DPP9: variants seen among roughly 807,000 people sequenced by gnomAD.
DPP9 encodes dipeptidyl peptidase 9, also known as dipeptidyl peptidase IV-related protein-2.
In DPP9, 50 loss-of-function variants were observed where a neutral mutation model predicts 110.7. The observed-to-expected ratio is 0.45, with a 90% confidence interval of 0.36 to 0.57. The LOEUF (loss-of-function observed/expected upper bound fraction) is 0.57, where lower values mean the gene tolerates loss of function less well. Among genes scored for constraint, DPP9 ranks in the 20% least tolerant of loss-of-function variants. The pLI, the probability that DPP9 is intolerant of heterozygous loss-of-function variation, is 0.00. For synonymous variants in DPP9, 561 were observed against 514.4 expected, an observed-to-expected ratio of 1.09 and a Z score of -1.23; for missense variants, 1,022 against 1,217.9, an observed-to-expected ratio of 0.84 and a Z score of 2.39.
intron 3 of DPP9, chr19:4,719,493 G>C: frequency 1.3e-5 from 4 of 312,516 alleles, no homozygotes; most frequent in Non-Finnish European, 2.5e-5. Flanking sequence ...TCTTACCCAG[G>C]AGTGATTCTG....
intron 1 of DPP9, among the ~76,000 whole-genome samples, chr19:4,723,028 G>A (rs1347830409): frequency 6.6e-6 from 1 of 152,172 alleles, no homozygotes; most frequent in African/African-American, 2.4e-5. Context: ...CTGAGAGAAG[G>A]GGGCTGAACC....
intron 16 of DPP9, chr19:4,688,332 C>A: frequency 5.9e-6 from 1 of 168,906 alleles, no homozygotes; most frequent in Non-Finnish European, 1.3e-5. Flanking sequence ...TGGTCTCAAA[C>A]TCCTACGTGC....
At chr19:4,705,691 CA>C (rs2092546726) in intron 5 of DPP9, among the ~76,000 whole-genome samples, 166 bp downstream of exon 5, 2 of 152,164 alleles carry the variant, frequency 1.3e-5, no homozygotes. Context: ...TACAGGTGGT[CA>C]GGGGGAGGAG....
intron 3 of DPP9, 71 bp from the exon 4 acceptor site, chr19:4,714,408 T>C: frequency 7.0e-7 from 1 of 1,434,076 alleles, no homozygotes; most frequent in Non-Finnish European, 9.1e-7. Flanking sequence ...ATGCTGCCCC[T>C]TGCGAGGCAC....
At position 4,687,584 on chromosome 19, in the gene DPP9, A is replaced by C. The variant is rs1304553971; in HGVS notation, c.1885+1173T>G. Among the ~76,000 whole-genome samples the C allele has an allele frequency of 2.0e-5, 3 of 152,112 alleles. No homozygotes were observed. In the East Asian group the frequency reaches 5.8e-4, roughly 29 times the overall value. On this transcript the variant is annotated intron_variant, in intron 16 of 21. Transcript: ENST00000262960. The surrounding 1 kb of genome is among the most constrained non-coding windows in gnomAD (Gnocchi z 4.7). The stretch of plus-strand genomic sequence containing the variant: ...GACTGACCCTTTGCTCCTTTTCCTG[A>C]TAAAGGCCTCGGAGTGTCGGCTCTG...
At chr19:4,680,235 CAA>C (rs71168922) in intron 20 of DPP9, among the ~76,000 whole-genome samples, 2,053 of 70,792 alleles carry the variant, frequency 0.029, 54 homozygotes, top group African/African-American at 0.096. Context: ...GACAGCATCT[CAA>C]AAAAAAAAAA....
rs370415970 is a variant in DPP9, at chr19:4,704,494, C to G, written c.427-190G>C. On this transcript the variant is annotated intron_variant, in intron 5 of 21. Transcript: ENST00000262960. The surrounding 1 kb of genome is among the most constrained non-coding windows in gnomAD (Gnocchi z 6.0). ...ACAGTGGGTGGCCAAAGATTGCCAG[C>G]GAACCTGGCCCTGCAGGACTGGCTG... 2.0e-5 allele frequency among the ~76,000 whole-genome samples: 3 copies of G among 152,180 alleles called. No homozygotes were observed. The highest frequency in any genetic ancestry group is 7.2e-5 in the African/African-American group (3 of 41,450).
rs759778625 is a variant in DPP9 at position 4,689,582 on chromosome 19, G to A, written c.1737C>T (p.Cys579=). 4.2e-5 allele frequency: 65 copies of A among 1,564,656 alleles called. No homozygotes were observed. In the Admixed American group the frequency reaches 6.0e-4, roughly 14 times the overall value. The part of the protein sequence containing the change: ...RLTTPGFSHS[C]SMSQNFDMFV... ...TGGGCGGTCCCACCTGGCTCATGGA[G>A]CAGCTATGGGAGAAGCCGGGCGTGG... Residue 579 remains cysteine (C), a synonymous_variant, in exon 15 of 22, where the codon TGC becomes TGT. Coordinates refer to ENST00000262960, the MANE Select transcript of DPP9 (RefSeq NM_139159.5). The surrounding 1 kb of genome is among the most constrained non-coding windows in gnomAD (Gnocchi z 7.0).
chr19:4,714,777 CCA>C (rs1355535230), intron 3 of DPP9, among the ~76,000 whole-genome samples: 5 of 151,990 alleles, frequency 3.3e-5, no homozygotes, highest in Non-Finnish European at 7.4e-5. Context: ...TCCTGGTTTT[CCA>C]CAGTCCCCGG....
At chr19:4,688,283 A>G (rs1312424585) in intron 16 of DPP9, 1 of 154,330 alleles carries the variant, frequency 6.5e-6, no homozygotes, top group African/African-American at 2.4e-5. Flanking sequence ...CTAATTTTTA[A>G]CATTTTTGTA....
intron 10 of DPP9, among the ~76,000 whole-genome samples, chr19:4,699,564 C>T (rs115429929): frequency 0.017 from 2,572 of 152,162 alleles, 73 homozygotes; most frequent in African/African-American, 0.059. Context: ...GAGGGAGATG[C>T]GGTCACAGGT....
chr19:4,685,009 G>T lies in DPP9; in HGVS notation c.2032-200C>A, dbSNP rs1349420085. 1 of 714,678 alleles carries T rather than the reference G, an allele frequency of 1.4e-6. No individual in the cohort carries two copies. Among genetic ancestry groups the T allele is most frequent in the Admixed American group, 2.0e-5 (1 of 49,588 alleles). The allele number at this position is 714,678 out of a possible 1,614,324, so 44.3% of individuals were successfully genotyped here. ...CCATACTCGGGACCCTGCTAGGGAG[G>T]GGGAAGGGCCACTGTCAGGCTCTTT... On this transcript the variant is annotated intron_variant, in intron 17 of 21. Transcript: ENST00000262960. The surrounding 1 kb of genome is among the most constrained non-coding windows in gnomAD (Gnocchi z 5.8).
In DPP9 at chr19:4,705,985, G is replaced by T; in HGVS notation, c.314-15C>A. ...ATATGGCATTCCTAAAGGGAGAAAGGAAACACCCAGAACGGGTACCCTGGC... is the reference window on the plus strand; with the variant it reads ...ATATGGCATTCCTAAAGGGAGAAAGTAAACACCCAGAACGGGTACCCTGGC... On this transcript the variant is annotated splice_polypyrimidine_tract_variant and intron_variant, in intron 4 of 21. Transcript: ENST00000262960. 1 of 1,609,764 alleles carries T rather than the reference G, an allele frequency of 6.2e-7. No individual in the cohort carries two copies. The highest frequency in any genetic ancestry group is 8.5e-7 in the Non-Finnish European group (1 of 1,176,804).
In DPP9 at chr19:4,693,727, G is replaced by A. The variant is rs2091533691; in HGVS notation, c.1516+934C>T. On this transcript the variant is annotated intron_variant, in intron 13 of 21. Transcript: ENST00000262960. This position sits in a 1 kb window ranked among gnomAD's most constrained non-coding sequence, Gnocchi z 5.0. Reference sequence around the variant, plus strand: ...GAGGAGTCATCTGAAACTGAGGTGAGGGTGACGACTTCCTATTTCTCTCGG... The same window carrying A: ...GAGGAGTCATCTGAAACTGAGGTGAAGGTGACGACTTCCTATTTCTCTCGG... Among the ~76,000 whole-genome samples, 1 of 152,020 alleles carries A rather than the reference G, an allele frequency of 6.6e-6. No individual in the cohort carries two copies. Among genetic ancestry groups the A allele is most frequent in the Non-Finnish European group, 1.5e-5 (1 of 67,948 alleles).
rs531949682 is a variant in DPP9 at position 4,710,388 on chromosome 19, G to C, written c.313+3693C>G. 6.6e-6 allele frequency among the ~76,000 whole-genome samples: 1 copy of C among 152,350 alleles called. No homozygotes were observed. The highest frequency in any genetic ancestry group is 2.4e-5 in the African/African-American group (1 of 41,590). ...CCACAGAAGTCACCGTTTGCAGTGGGGAGAGGCTGATCCGCGTGGGGCGGG... is the reference window on the plus strand; with the variant it reads ...CCACAGAAGTCACCGTTTGCAGTGGCGAGAGGCTGATCCGCGTGGGGCGGG... On this transcript the variant is annotated intron_variant, in intron 4 of 21. Transcript: ENST00000262960. The surrounding 1 kb of genome is among the most constrained non-coding windows in gnomAD (Gnocchi z 5.6).
chr19:4,708,180 C>T (rs539383623), intron 4 of DPP9, among the ~76,000 whole-genome samples: 9 of 152,182 alleles, frequency 5.9e-5, no homozygotes, highest in Admixed American at 2.0e-4. Flanking sequence ...TGATAAATAC[C>T]GAAAGCCAGC....
At chr19:4,683,153 C>T in intron 19 of DPP9, 1 of 1,444,266 alleles carries the variant, frequency 6.9e-7, no homozygotes, top group East Asian at 2.9e-5. Context: ...TGCCGCCGGC[C>T]TGGGGCCCCC....
intron 16 of DPP9, chr19:4,688,538 G>A (rs1052555230): frequency 1.1e-5 from 6 of 534,768 alleles, no homozygotes; most frequent in African/African-American, 6.0e-5. Context: ...TGTGCAGTCC[G>A]GCCCTTTACT....
chr19:4,717,798 G>A (rs1034879025), intron 3 of DPP9: 1 of 152,272 alleles, frequency 6.6e-6, no homozygotes, highest in Non-Finnish European at 1.5e-5. Context: ...TTCTACCCGG[G>A]GGCACAGCCC....
Sources: gnomAD v4.1 joint callset for allele counts (sites outside exome capture counted in the v4.1 genomes callset) on GRCh38, gnomAD v4.1.1 for gene constraint, Gnocchi (gnomAD v3.1) non-coding constraint, MANE v1.5 for transcripts, NCBI Gene and HGNC (gene_info 2026-07-23, HGNC 2026-07-21) for gene names.